The following RGS6 variants were observed in gnomAD, a reference collection of about 807,000 sequenced individuals.
The protein encoded by RGS6 is regulator of G protein signaling 6, also known as regulator of G-protein signaling 6.
RGS6 carries 30 observed loss-of-function variants against 78.5 expected under a neutral mutation model. The observed-to-expected ratio is 0.38, with a 90% CI of 0.29 to 0.52. The LOEUF (loss-of-function observed/expected upper bound fraction) is 0.52. RGS6 is among the 20% of genes least tolerant of loss of function. The probability of loss-of-function intolerance (pLI) is 0.85; values close to 1 mark genes in which losing one functional copy is unlikely to be tolerated. For synonymous variants in RGS6, 206 were observed against 206.0 expected (o/e 1.00, Z 0.00); for missense variants, 495 against 609.7 (o/e 0.81, Z 1.98).
chr14:72,232,465 C>G (rs1001344859), intron 2 of RGS6, among the ~76,000 whole-genome samples: 2 of 151,160 alleles, frequency 1.3e-5, no homozygotes, highest in African/African-American at 2.5e-5. Flanking sequence ...GTAACTCAGT[C>G]TCTTCCTTCC....
intron 17 of RGS6, among the ~76,000 whole-genome samples, chr14:72,556,468 G>T (rs1440476682): frequency 1.3e-5 from 2 of 152,132 alleles, no homozygotes; most frequent in Non-Finnish European, 1.5e-5. Context: ...GTGAGATTTG[G>T]GTTCAGACCC....
intron 3 of RGS6, among the ~76,000 whole-genome samples, chr14:72,367,379 G>C (rs2082643761): frequency 6.6e-6 from 1 of 152,138 alleles, no homozygotes; most frequent in Non-Finnish European, 1.5e-5. Flanking sequence ...TCTAGCCTCT[G>C]TTTTAACAAT....
At chr14:72,308,445 C>G (rs904244040) in intron 2 of RGS6, among the ~76,000 whole-genome samples, 2 of 152,142 alleles carry the variant, frequency 1.3e-5, no homozygotes, top group African/African-American at 4.8e-5. Flanking sequence ...TACTTTTTAT[C>G]TTGCTTTAGA....
chr14:72,084,884 T>G (rs2094962993), intron 2 of RGS6, among the ~76,000 whole-genome samples: 1 of 152,226 alleles, frequency 6.6e-6, no homozygotes, highest in African/African-American at 2.4e-5. Context: ...CTGTATAATC[T>G]TTAAAATATT....
chr14:72,040,955 C>T (rs2092346348), intron 2 of RGS6, among the ~76,000 whole-genome samples: 1 of 150,850 alleles, frequency 6.6e-6, no homozygotes. Context: ...TCATTTTATT[C>T]ATTCTTCATT....
chr14:72,361,956 G>A (rs1302444737), intron 3 of RGS6, among the ~76,000 whole-genome samples: 6 of 152,182 alleles, frequency 3.9e-5, no homozygotes, highest in Non-Finnish European at 8.8e-5. Context: ...ACGTAAGAGG[G>A]CTGCAGGGAA....
At chr14:72,133,538 C>A (rs2096373523) in intron 2 of RGS6, among the ~76,000 whole-genome samples, 1 of 152,126 alleles carries the variant, frequency 6.6e-6, no homozygotes. Flanking sequence ...TCCCTTTCCC[C>A]AGACTTGGCT....
At position 71,944,810 on chromosome 14, in the gene RGS6, T is replaced by C. The variant is rs536948838; in HGVS notation, c.-21+11869T>C. ...ATGTATCATTAGGTGATTTTGTTGT[T>C]GTGTGAACACCCTAGAGTGTACTTA... On this transcript the variant is annotated intron_variant, in intron 1 of 17. Coordinates refer to ENST00000553525, the MANE Select transcript of RGS6 (RefSeq NM_001204424.2). Among the ~76,000 whole-genome samples, 7 of 152,312 alleles carry C rather than the reference T, an allele frequency of 4.6e-5. No homozygotes were observed. In the South Asian group the frequency reaches 1.0e-3, roughly 23 times the overall value.
intron 3 of RGS6, among the ~76,000 whole-genome samples, chr14:72,367,470 C>G (rs115926366): frequency 0.033 from 4,987 of 152,090 alleles, 231 homozygotes; most frequent in African/African-American, 0.11. Context: ...AATAAACCTA[C>G]CAGCCTCCTC....
At position 72,004,251 on chromosome 14, in the gene RGS6, T is replaced by G. The variant is rs1045712930; in HGVS notation, c.84+39376T>G. The stretch of plus-strand genomic sequence containing the variant: ...TTACTGACGTTGTAGTTCTTATTTA[T>G]GTTCTGTTAAGATTTTGCTACTAGG... On this transcript the variant is annotated intron_variant, in intron 2 of 17. Coordinates refer to ENST00000553525, the MANE Select transcript of RGS6 (RefSeq NM_001204424.2). Among the ~76,000 whole-genome samples, 38 of 152,194 alleles carry G rather than the reference T, an allele frequency of 2.5e-4. 1 individual carries two copies. Among genetic ancestry groups the G allele is most frequent in the Non-Finnish European group, 2.9e-5 (2 of 68,034 alleles).
chr14:71,936,030 A>ATATATATATATACATATATATATATATG (rs1555390437), intron 1 of RGS6, among the ~76,000 whole-genome samples: 1 of 133,222 alleles, frequency 7.5e-6, no homozygotes, highest in East Asian at 2.2e-4. Context: ...ATATATATAT[A>ATATATATATATACATATATATATATATG]TATATATATA....
intron 3 of RGS6, among the ~76,000 whole-genome samples, chr14:72,371,827 C>A (rs2083571854): frequency 6.6e-6 from 1 of 152,152 alleles, no homozygotes; most frequent in African/African-American, 2.4e-5. Flanking sequence ...AGAATGAAAT[C>A]CAGATTTAGT....
At chr14:72,231,503 A>C (rs1293101281) in intron 2 of RGS6, among the ~76,000 whole-genome samples, 1 of 152,196 alleles carries the variant, frequency 6.6e-6, no homozygotes, top group South Asian at 2.1e-4. Flanking sequence ...CTCTGCCTTC[A>C]TGGGGCTTAA....
intron 2 of RGS6, among the ~76,000 whole-genome samples, chr14:72,322,603 G>A (rs1489113653): frequency 6.6e-6 from 1 of 151,818 alleles, no homozygotes; most frequent in Non-Finnish European, 1.5e-5. Context: ...AGCAAACTAA[G>A]GACCAATATT....
chr14:72,132,781 G>GTTT (rs767770941), intron 2 of RGS6, among the ~76,000 whole-genome samples: 1 of 132,620 alleles, frequency 7.5e-6, no homozygotes. Flanking sequence ...TTTGTTTGTC[G>GTTT]TTTTTTTTTT....
intron 17 of RGS6, among the ~76,000 whole-genome samples, chr14:72,556,347 AACTC>A (rs1216916424): frequency 6.6e-6 from 1 of 152,066 alleles, no homozygotes; most frequent in Non-Finnish European, 1.5e-5. Context: ...ATCTCATGAG[AACTC>A]ACTCCCTATC....
At chr14:72,014,916 G>T (rs1168316043) in intron 2 of RGS6, among the ~76,000 whole-genome samples, 1 of 152,078 alleles carries the variant, frequency 6.6e-6, no homozygotes, top group Non-Finnish European at 1.5e-5. Context: ...AGGTGTGCTT[G>T]TACCTTTTGA....
At chr14:72,146,055 G>C (rs2096602891) in intron 2 of RGS6, among the ~76,000 whole-genome samples, 1 of 152,154 alleles carries the variant, frequency 6.6e-6, no homozygotes, top group Non-Finnish European at 1.5e-5. Context: ...TTAATGGGCT[G>C]TCATTTGGCA....
At chr14:72,337,080 G>A (rs2250557) in intron 2 of RGS6, among the ~76,000 whole-genome samples, 52,901 of 151,828 alleles carry the variant, frequency 0.35, 9,822 homozygotes, top group African/African-American at 0.48. Flanking sequence ...GCACAATTCA[G>A]TCCATAACAA....
Sources: allele counts gnomAD v4.1 joint callset (sites outside exome capture counted in the v4.1 genomes callset), GRCh38; gene constraint gnomAD v4.1.1; transcripts MANE v1.5; gene names NCBI Gene and HGNC (gene_info 2026-07-23, HGNC 2026-07-21).